Variants in CFAP97 observed in about 807,000 individuals in gnomAD.
CFAP97 encodes the protein cilia and flagella associated protein 97, also known as cilia- and flagella-associated protein 97.
A neutral mutation model predicts 43.1 loss-of-function variants in CFAP97; 36 were observed. The ratio of observed to expected loss-of-function variants is 0.84; its 90% confidence interval spans 0.64 to 1.10. The LOEUF (loss-of-function observed/expected upper bound fraction) is 1.10, where lower values mean the gene tolerates loss of function less well. Ranked by LOEUF, CFAP97 falls within the 50% of genes least tolerant of loss-of-function variation. The probability of loss-of-function intolerance (pLI) is 0.00; values close to 1 mark genes in which losing one functional copy is unlikely to be tolerated. For synonymous variants in CFAP97, 228 were observed against 225.7 expected (o/e 1.01, Z -0.09); for missense variants, 657 against 620.3 (o/e 1.06, Z -0.63).
intron 1 of CFAP97, among the ~76,000 whole-genome samples, chr4:185,201,481 T>C (rs1374934580): frequency 6.6e-6 from 1 of 152,122 alleles, no homozygotes; most frequent in African/African-American, 2.4e-5. Context: ...CCTTCAGCAC[T>C]CAGCACCCTG....
chr4:185,169,505 T>C (rs1477369389), intron 3 of CFAP97: 1 of 698,886 alleles, frequency 1.4e-6, no homozygotes, highest in African/African-American at 1.9e-5. Context: ...TTAAAACTCT[T>C]TTGTTTATAA....
Position 185,159,783 on chromosome 4 carries a change from C to T in CFAP97, c.*3015G>A, listed in dbSNP as rs570381085. On this transcript the variant is annotated 3_prime_UTR_variant, in exon 5 of 5. Transcript: ENST00000458385. ...TGTTAATTTTAAGTTTCTTACTAAT[C>T]TTTCCTCATAGAAATAAAGAAGCCA... 6.6e-6 allele frequency: 1 copy of T among 152,290 alleles called. No homozygotes were observed. The highest frequency in any genetic ancestry group is 2.1e-4 in the South Asian group (1 of 4,830). 9.4% of individuals were successfully genotyped at this position (152,290 alleles called of 1,614,324 possible).
intron 2 of CFAP97, among the ~76,000 whole-genome samples, chr4:185,188,773 CTT>C (rs1736110421): frequency 6.6e-6 from 1 of 152,048 alleles, no homozygotes; most frequent in Admixed American, 6.6e-5. Context: ...ATAGAAAACT[CTT>C]TAATGCTGAA....
intron 2 of CFAP97, among the ~76,000 whole-genome samples, chr4:185,182,767 C>G (rs545667000): frequency 2.6e-5 from 4 of 152,272 alleles, no homozygotes; most frequent in African/African-American, 7.2e-5. Flanking sequence ...ATCTTTGTTT[C>G]ATAGGCTTAA....
intron 2 of CFAP97, among the ~76,000 whole-genome samples, chr4:185,181,686 T>C (rs903103301): frequency 4.6e-5 from 7 of 152,204 alleles, no homozygotes; most frequent in African/African-American, 1.7e-4. Context: ...AGCTTGCTCT[T>C]TTAAGAGTTT....
At position 185,191,074 on chromosome 4, in the gene CFAP97, C is replaced by T. The variant is rs765810474; in HGVS notation, c.123G>A (p.Lys41=). Residue 41 remains lysine, a synonymous_variant, in exon 2 of 5, where the codon AAG becomes AAA. Transcript: ENST00000458385. ...SVFDKQNDDP[K]ERIDKDTKNV... Reference sequence around the variant, plus strand: ...TTTTTGTATCTTTATCTATTCTTTCCTTTGGGTCATCATTTTGCTTGTCAA... The same window carrying T: ...TTTTTGTATCTTTATCTATTCTTTCTTTTGGGTCATCATTTTGCTTGTCAA... 8 of 1,612,908 alleles carry T rather than the reference C, an allele frequency of 5.0e-6. No homozygotes were observed. In the South Asian group the frequency reaches 5.5e-5, roughly 11 times the overall value.
chr4:185,162,662 C>T lies in CFAP97; in HGVS notation c.*136G>A. On this transcript the variant is annotated 3_prime_UTR_variant, in exon 5 of 5. Coordinates refer to ENST00000458385, the MANE Select transcript of CFAP97 (RefSeq NM_020827.3). ...TTGACAATAATTTTGCACTGAATAA[C>T]AATACATTACAACTCACTGTTGTAC... The T allele has an allele frequency of 2.2e-6, 2 of 912,484 alleles. No homozygotes were observed. Among genetic ancestry groups the T allele is most frequent in the Non-Finnish European group, 1.6e-6 (1 of 611,840 alleles). 56.5% of individuals were successfully genotyped at this position (912,484 alleles called of 1,614,324 possible). A position where few individuals can be genotyped will look rare whatever the true frequency, so the allele number is the denominator to read the frequency against.
chr4:185,205,644 C>A (rs1737154962), upstream of CFAP97, among the ~76,000 whole-genome samples: 1 of 152,082 alleles, frequency 6.6e-6, no homozygotes, highest in Non-Finnish European at 1.5e-5. Context: ...GCCTGGCCAA[C>A]ATGGTGAAAC....
At chr4:185,174,235 G>C (rs1735427615) in intron 3 of CFAP97, among the ~76,000 whole-genome samples, 1 of 152,112 alleles carries the variant, frequency 6.6e-6, no homozygotes, top group South Asian at 2.1e-4. Flanking sequence ...GAAAACAAAG[G>C]AAGTAATCCC....
At chr4:185,196,810 T>C (rs1217203554) in intron 1 of CFAP97, among the ~76,000 whole-genome samples, 1 of 151,980 alleles carries the variant, frequency 6.6e-6, no homozygotes, top group African/African-American at 2.4e-5. Context: ...TGAAGAAATG[T>C]AGTTTAAGGC....
At chr4:185,195,428 A>T (rs1296853561) in intron 1 of CFAP97, among the ~76,000 whole-genome samples, 2 of 152,242 alleles carry the variant, frequency 1.3e-5, no homozygotes, top group South Asian at 2.1e-4. Flanking sequence ...TAATGCAATG[A>T]GTCATCATCA....
chr4:185,193,678 AATT>A (rs1367157308), intron 1 of CFAP97, among the ~76,000 whole-genome samples: 1 of 152,188 alleles, frequency 6.6e-6, no homozygotes. Context: ...CAAAAAATGC[AATT>A]ATGTGCTCAC....
rs757834958 is a variant in CFAP97 at position 185,161,874 on chromosome 4, C to A, written c.*924G>T. On this transcript the variant is annotated 3_prime_UTR_variant, in exon 5 of 5. Transcript: ENST00000458385. ...GAATTTCTAAAGCATTTCTTTCTTACGCTAAGTCTTCTCTAATAACATAAT... is the reference window on the plus strand; with the variant it reads ...GAATTTCTAAAGCATTTCTTTCTTAAGCTAAGTCTTCTCTAATAACATAAT... 6.6e-6 allele frequency: 1 copy of A among 152,158 alleles called. No homozygotes were observed. Among genetic ancestry groups the A allele is most frequent in the Non-Finnish European group, 1.5e-5 (1 of 68,012 alleles). 9.4% of individuals were successfully genotyped at this position (152,158 alleles called of 1,614,324 possible). A position where few individuals can be genotyped will look rare whatever the true frequency, so the allele number is the denominator to read the frequency against.
chr4:185,194,903 C>T (rs1736469757), intron 1 of CFAP97, among the ~76,000 whole-genome samples: 1 of 152,112 alleles, frequency 6.6e-6, no homozygotes, highest in Non-Finnish European at 1.5e-5. Flanking sequence ...ATAAATTAGG[C>T]ACATAAGTGA....
rs1737339945 is a variant in CFAP97, at chr4:185,209,002, A to C, written c.-74+323T>G. The stretch of plus-strand genomic sequence containing the variant: ...GAATAGTTGGTAAAAAACAAAAAAC[A>C]AAACAAAACAAAACAAAAACCAGAA... On this transcript the variant is annotated intron_variant, in intron 1 of 2. Transcript: ENST00000503223. The surrounding 1 kb of genome is among the most constrained non-coding windows in gnomAD (Gnocchi z 5.2). Among the ~76,000 whole-genome samples the C allele has an allele frequency of 6.6e-6, 1 of 152,178 alleles. No homozygotes were observed. Among genetic ancestry groups the C allele is most frequent in the Admixed American group, 6.5e-5 (1 of 15,280 alleles).
rs991036387 is a variant in CFAP97 at position 185,162,163 on chromosome 4, G to A, written c.*635C>T. The A allele has an allele frequency of 6.6e-6, 1 of 152,208 alleles. No homozygotes were observed. Among genetic ancestry groups the A allele is most frequent in the African/African-American group, 2.4e-5 (1 of 41,430 alleles). The allele number at this position is 152,208 out of a possible 1,614,324, so 9.4% of individuals were successfully genotyped here. On this transcript the variant is annotated 3_prime_UTR_variant, in exon 5 of 5. Transcript: ENST00000458385. ...TAATATTCATATTTGAAATGGTTTGGAATGATTGATCAAACTTTTAAGATC... is the reference window on the plus strand; with the variant it reads ...TAATATTCATATTTGAAATGGTTTGAAATGATTGATCAAACTTTTAAGATC...
At chr4:185,191,465 T>C (rs1292208107) in intron 1 of CFAP97, among the ~76,000 whole-genome samples, 2 of 152,156 alleles carry the variant, frequency 1.3e-5, no homozygotes, top group African/African-American at 2.4e-5. Context: ...ATCATCAAGG[T>C]AGGGATGTCA....
chr4:185,191,778 C>T lies in CFAP97; in HGVS notation c.-16-566G>A, dbSNP rs538083372. Reference sequence around the variant, plus strand: ...CCAGGAGGTGGAGGTTACAGTGAGCCGAGATCACACCACCGCACTCCAGCC... The same window carrying T: ...CCAGGAGGTGGAGGTTACAGTGAGCTGAGATCACACCACCGCACTCCAGCC... On this transcript the variant is annotated intron_variant, in intron 1 of 4. Transcript: ENST00000458385. Among the ~76,000 whole-genome samples, 7 of 151,770 alleles carry T rather than the reference C, an allele frequency of 4.6e-5. No individual in the cohort carries two copies. The South Asian group carries it at 1.5e-3, about 32-fold the overall frequency.
In CFAP97 at chr4:185,191,044, T is replaced by C; in HGVS notation, c.153A>G (p.Val51=). 6.2e-7 allele frequency: 1 copy of C among 1,613,500 alleles called. No individual in the cohort carries two copies. Among genetic ancestry groups the C allele is most frequent in the Non-Finnish European group, 8.5e-7 (1 of 1,179,680 alleles). ...KERIDKDTKN[V]NSNTGMQTTE... ...TTGTTTGCATTCCAGTGTTCGAATT[T>C]ACATTTTTTGTATCTTTATCTATTC... is the stretch of plus-strand genomic sequence containing the variant. The change falls in exon 2 of 5, where the codon GTA becomes GTG. Residue 51 remains valine, a synonymous_variant. Transcript: ENST00000458385.
Sources: allele counts gnomAD v4.1 joint callset (sites outside exome capture counted in the v4.1 genomes callset), GRCh38; gene constraint gnomAD v4.1.1; non-coding constraint Gnocchi (gnomAD v3.1); transcripts MANE v1.5; gene names NCBI Gene and HGNC (gene_info 2026-07-23, HGNC 2026-07-21).